The following KLHL7 variants were observed in gnomAD, a reference collection of about 807,000 sequenced individuals.
The protein encoded by KLHL7 is kelch like family member 7.
Under a neutral mutation model 67.4 loss-of-function variants are expected in KLHL7, and 44 were observed. The ratio of observed to expected loss-of-function variants is 0.65; its 90% CI spans 0.51 to 0.84. The LOEUF (loss-of-function observed/expected upper bound fraction) is 0.84. Ranked by LOEUF, KLHL7 falls within the 40% of genes least tolerant of loss-of-function variation. The probability of loss-of-function intolerance (pLI) is 0.00; values close to 1 mark genes in which losing one functional copy is unlikely to be tolerated. For synonymous variants in KLHL7, 252 were observed against 243.3 expected (o/e 1.04, Z -0.33); for missense variants, 362 against 718.1 (o/e 0.50, Z 5.67).
chr7:23,125,902 CA>C, intron 4 of KLHL7: 2 of 1,501,534 alleles, frequency 1.3e-6, no homozygotes, highest in Non-Finnish European at 1.8e-6. Context: ...CCAAGACCCC[CA>C]GTGAATGCCT....
At chr7:23,133,208 T>C (rs1410030103) in intron 4 of KLHL7, among the ~76,000 whole-genome samples, 3 of 152,180 alleles carry the variant, frequency 2.0e-5, no homozygotes, top group African/African-American at 4.8e-5. Context: ...AGGGATTACA[T>C]TGAATCTGTA....
chr7:23,143,426 A>G (rs1342219755), intron 5 of KLHL7, among the ~76,000 whole-genome samples: 2 of 152,192 alleles, frequency 1.3e-5, no homozygotes, highest in Non-Finnish European at 2.9e-5. Context: ...TTGAAATAAA[A>G]TCATGGGTGA....
chr7:23,152,053 G>A lies in KLHL7; in HGVS notation c.794-14G>A. 1 of 1,613,582 alleles carries A rather than the reference G, an allele frequency of 6.2e-7. No homozygotes were observed. Among genetic ancestry groups the A allele is most frequent in the Non-Finnish European group, 8.5e-7 (1 of 1,179,580 alleles). ...CCTGAAGTTCTTGAAGCGTTGCCAT[G>A]TATTTTACTACAGGTGGAATGAGGT... On this transcript the variant is annotated splice_polypyrimidine_tract_variant and intron_variant, in intron 6 of 10. Coordinates refer to ENST00000339077, the MANE Select transcript of KLHL7 (RefSeq NM_001031710.3).
At chr7:23,117,403 ACTTCT>A (rs10590746) in intron 1 of KLHL7, among the ~76,000 whole-genome samples, 53,405 of 151,440 alleles carry the variant, frequency 0.35, 9,604 homozygotes, top group African/African-American at 0.4. Context: ...CTGAATTCTT[ACTTCT>A]CTTCTTCTAT....
In KLHL7 at chr7:23,124,190, C is replaced by CAAAAA. The variant is rs149801497; in HGVS notation, c.223+339_223+343dup. Among the ~76,000 whole-genome samples the CAAAAA allele has an allele frequency of 7.2e-3, 185 of 25,874 alleles. 51 individuals carry two copies. The highest frequency in any genetic ancestry group is 0.022 in the African/African-American group (141 of 6,300). The allele number at this position is 25,874 out of a possible 152,430, so 17.0% of individuals were successfully genotyped here. Reference sequence around the variant, plus strand: ...TGGGCGTCAGAGCGAGACTCTGTCTCAAAAAAAAAAAAAAAAAAAAAAAAA... The same window carrying CAAAAA: ...TGGGCGTCAGAGCGAGACTCTGTCTCAAAAAAAAAAAAAAAAAAAAAAAAAAAAAA... On this transcript the variant is annotated intron_variant, in intron 2 of 10. Transcript: ENST00000339077.
At position 23,165,775 on chromosome 7, in the gene KLHL7, A is replaced by G. The variant is rs762839410; in HGVS notation, c.1014A>G (p.Val338=). 17 of 1,614,004 alleles carry G rather than the reference A, an allele frequency of 1.1e-5. No individual in the cohort carries two copies. The highest frequency in any genetic ancestry group is 2.7e-5 in the African/African-American group (2 of 74,930). Residue 338 remains valine, a synonymous_variant, in exon 8 of 11, where the codon GTA becomes GTG. Transcript: ENST00000339077. ...DAACVFWDNV[V]YILGGSQLFP... The stretch of plus-strand genomic sequence containing the variant: ...CATGCGTGTTTTGGGACAATGTAGT[A>G]TACATTTTGGGAGGCTCTCAGCTTT...
intron 4 of KLHL7, among the ~76,000 whole-genome samples, chr7:23,130,728 C>A (rs944421864): frequency 3.3e-5 from 5 of 152,114 alleles, no homozygotes; most frequent in African/African-American, 1.2e-4. Context: ...TTGCCAGTTT[C>A]TCTTTTTGAT....
At chr7:23,171,883 G>A (rs1319361153) in intron 9 of KLHL7, among the ~76,000 whole-genome samples, 4 of 152,124 alleles carry the variant, frequency 2.6e-5, no homozygotes, top group Non-Finnish European at 5.9e-5. Context: ...CTAATTTTTT[G>A]TATTTTTAAT....
In KLHL7 at chr7:23,127,767, C is replaced by T. The variant is rs548603068; in HGVS notation, c.442+2595C>T. 7.9e-5 allele frequency among the ~76,000 whole-genome samples: 12 copies of T among 152,002 alleles called. No individual in the cohort carries two copies. In the South Asian group the frequency reaches 2.1e-3, roughly 26 times the overall value. Reference sequence around the variant, plus strand: ...CACACACCTGTAGTCCCAGCTACTCCGGAGGCCGAGGCGGGAAAATCGTTT... The same window carrying T: ...CACACACCTGTAGTCCCAGCTACTCTGGAGGCCGAGGCGGGAAAATCGTTT... On this transcript the variant is annotated intron_variant, in intron 4 of 10. Transcript: ENST00000339077.
At chr7:23,155,729 C>T (rs1250299699) in intron 7 of KLHL7, among the ~76,000 whole-genome samples, 1 of 151,882 alleles carries the variant, frequency 6.6e-6, no homozygotes, top group Non-Finnish European at 1.5e-5. Context: ...ATAATAATTA[C>T]ACCCAATTTG....
At chr7:23,140,601 A>G (rs1784147676) in intron 4 of KLHL7, 168 bp from the exon 5 acceptor site, 1 of 706,856 alleles carries the variant, frequency 1.4e-6, no homozygotes, top group Non-Finnish European at 2.5e-6. Flanking sequence ...AGTCTTTTAT[A>G]AGACAGTATA....
At chr7:23,161,249 G>A (rs893553655) in intron 7 of KLHL7, among the ~76,000 whole-genome samples, 1 of 152,082 alleles carries the variant, frequency 6.6e-6, no homozygotes, top group African/African-American at 2.4e-5. Flanking sequence ...TTACAAATAC[G>A]GGATCATGCC....
intron 6 of KLHL7, among the ~76,000 whole-genome samples, chr7:23,144,825 C>T (rs2128465245): frequency 6.6e-6 from 1 of 151,850 alleles, no homozygotes; most frequent in Middle Eastern, 3.4e-3. Context: ...AGGCTGGGCA[C>T]AGTAGCCCAC....
At chr7:23,123,972 C>G in intron 2 of KLHL7, 93 bp downstream of exon 2, 1 of 914,568 alleles carries the variant, frequency 1.1e-6, no homozygotes, top group Non-Finnish European at 1.7e-6. Context: ...ATTTTTAAAG[C>G]AGTTAAGAAC....
chr7:23,117,994 A>T (rs750184784), intron 1 of KLHL7: 18 of 1,613,242 alleles, frequency 1.1e-5, no homozygotes, highest in African/African-American at 1.3e-5. Context: ...TCTCTTTGGG[A>T]TATAACAAAG....
chr7:23,158,032 C>T (rs1428788070), intron 7 of KLHL7, among the ~76,000 whole-genome samples: 2 of 152,148 alleles, frequency 1.3e-5, no homozygotes, highest in Non-Finnish European at 2.9e-5. Context: ...GTGGCACGGC[C>T]GTGGCTCACT....
At chr7:23,129,641 A>T (rs1209766696) in intron 4 of KLHL7, 3 of 175,604 alleles carry the variant, frequency 1.7e-5, no homozygotes, top group Admixed American at 1.3e-4. Flanking sequence ...GAAGCCTCTC[A>T]TTCGGCCTGA....
At chr7:23,115,694 A>G (rs890357286) in intron 1 of KLHL7, among the ~76,000 whole-genome samples, 2 of 151,644 alleles carry the variant, frequency 1.3e-5, no homozygotes, top group African/African-American at 2.4e-5. Context: ...CCGGGCGTCC[A>G]CCACCACACC....
At chr7:23,167,196 T>C (rs536425580) in intron 8 of KLHL7, among the ~76,000 whole-genome samples, 3 of 152,222 alleles carry the variant, frequency 2.0e-5, no homozygotes, top group Non-Finnish European at 4.4e-5. Context: ...ATTGAACTCC[T>C]ACAGTGTGTA....
Sources: allele counts gnomAD v4.1 joint callset (sites outside exome capture counted in the v4.1 genomes callset), GRCh38; gene constraint gnomAD v4.1.1; transcripts MANE v1.5; gene names NCBI Gene and HGNC (gene_info 2026-07-23, HGNC 2026-07-21).